The following PCDHA10 variants were observed in gnomAD, a reference collection of about 807,000 sequenced individuals.
The protein encoded by PCDHA10 is protocadherin alpha 10.
A neutral mutation model predicts 61.2 loss-of-function variants in PCDHA10; 45 were observed. That is an observed-to-expected ratio of 0.74 (90% confidence interval 0.58 to 0.94). The LOEUF (loss-of-function observed/expected upper bound fraction) is 0.94, where lower values mean the gene tolerates loss of function less well. PCDHA10 is among the 40% of genes least tolerant of loss of function. PCDHA10 has a pLI of 0.00. For missense variants in PCDHA10, 1,278 were observed against 1,236.2 expected (o/e 1.03, Z -0.51); for synonymous variants, 602 against 548.8 (o/e 1.10, Z -1.35).
In PCDHA10 at chr5:140,857,092, G is replaced by A; in HGVS notation, c.1044G>A (p.Glu348=). The change falls in exon 1 of 4, where the codon GAG becomes GAA. Residue 348 remains glutamate (E), a synonymous_variant. Coordinates refer to ENST00000307360, the MANE Select transcript of PCDHA10 (RefSeq NM_018901.4). ...TGGATGAAAATGATAATTCACCTGA[G>A]GTGATTGTCACTTCTCTGTCTCTCC... ...ELLDENDNSP[E]VIVTSLSLPV... is the part of the protein sequence containing the mutation. 5 of 1,597,300 alleles carry A rather than the reference G, an allele frequency of 3.1e-6. 1 individual carries two copies. Among genetic ancestry groups the A allele is most frequent in the Non-Finnish European group, 4.3e-6 (5 of 1,166,936 alleles).
chr5:140,931,659 G>A (rs1554208521), intron 1 of PCDHA10, among the ~76,000 whole-genome samples: 1 of 151,694 alleles, frequency 6.6e-6, no homozygotes, highest in Non-Finnish European at 1.5e-5. Flanking sequence ...GTTGTGGGCT[G>A]GATATTTCCT....
At position 140,884,762 on chromosome 5, in the gene PCDHA10, A is replaced by T. The variant is rs491169; in HGVS notation, c.2388+26326A>T. 4,163 of 1,423,128 alleles carry T rather than the reference A, an allele frequency of 2.9e-3. 95 individuals carry two copies. The African/African-American group carries it at 0.053, about 18-fold the overall frequency. 88.2% of individuals were successfully genotyped at this position (1,423,128 alleles called of 1,614,324 possible). A position where few individuals can be genotyped will look rare whatever the true frequency, so the allele number is the denominator to read the frequency against. On this transcript the variant is annotated intron_variant, in intron 1 of 3. Coordinates refer to ENST00000307360, the MANE Select transcript of PCDHA10 (RefSeq NM_018901.4). ...TCCTGCCAATTTCAAATTATTCTTT[A>T]CTTTAATTTTAATTTTGCTAGTTGT...
At chr5:140,910,837 A>G (rs1217601068) in intron 1 of PCDHA10, among the ~76,000 whole-genome samples, 1 of 152,188 alleles carries the variant, frequency 6.6e-6, no homozygotes, top group Non-Finnish European at 1.5e-5. Context: ...GCCTGATCCA[A>G]TGCCTTGGAT....
chr5:140,883,092 G>C (rs782675726), intron 1 of PCDHA10: 2 of 1,614,108 alleles, frequency 1.2e-6, no homozygotes, highest in Non-Finnish European at 1.7e-6. Flanking sequence ...GGTACAAATG[G>C]AGATATAGTT....
At chr5:140,998,196 C>T (rs960565673) in intron 3 of PCDHA10, among the ~76,000 whole-genome samples, 2 of 152,164 alleles carry the variant, frequency 1.3e-5, no homozygotes, top group African/African-American at 4.8e-5. Flanking sequence ...CAAGTATTAA[C>T]TCCTTTAATC....
intron 3 of PCDHA10, among the ~76,000 whole-genome samples, chr5:140,983,914 AGGATT>A (rs1327360241): frequency 6.6e-6 from 1 of 152,244 alleles, no homozygotes; most frequent in Non-Finnish European, 1.5e-5. Flanking sequence ...CTAATCAGCC[AGGATT>A]TGCTATTTAT....
chr5:140,884,662 G>C lies in PCDHA10; in HGVS notation c.2388+26226G>C, dbSNP rs372022274. On this transcript the variant is annotated intron_variant, in intron 1 of 3. Transcript: ENST00000307360. ...AGGAGGACTCAGAATGCTTGAAAGA[G>C]GTAAGCTTATATTTTAAAAAATTGT... is the stretch of plus-strand genomic sequence containing the variant. 11 of 1,589,820 alleles carry C rather than the reference G, an allele frequency of 6.9e-6. No homozygotes were observed. In the African/African-American group the frequency reaches 9.4e-5, roughly 14 times the overall value.
At chr5:140,881,321 T>C (rs1396829121) in intron 1 of PCDHA10, 1 of 983,920 alleles carries the variant, frequency 1.0e-6, no homozygotes, top group Non-Finnish European at 1.2e-6. Context: ...TTAAATTCTA[T>C]TTAACCAGGA....
At chr5:141,004,412 A>G (rs2098165544) in intron 3 of PCDHA10, among the ~76,000 whole-genome samples, 1 of 152,164 alleles carries the variant, frequency 6.6e-6, no homozygotes, top group South Asian at 2.1e-4. Flanking sequence ...ACCTGACTAG[A>G]TCTCTGCCTC....
chr5:140,965,229 C>A (rs1554227498), intron 1 of PCDHA10, among the ~76,000 whole-genome samples: 1 of 152,124 alleles, frequency 6.6e-6, no homozygotes, highest in Non-Finnish European at 1.5e-5. Context: ...AATGTGAGAA[C>A]CTGGGAAGAG....
At chr5:140,991,792 T>A (rs541458701) in intron 3 of PCDHA10, among the ~76,000 whole-genome samples, 4 of 152,282 alleles carry the variant, frequency 2.6e-5, no homozygotes, top group Non-Finnish European at 5.9e-5. Context: ...CATTTCCCAA[T>A]CTCAAGGCCA....
At chr5:140,967,029 G>T in intron 1 of PCDHA10, 1 of 1,609,056 alleles carries the variant, frequency 6.2e-7, no homozygotes, top group Non-Finnish European at 8.5e-7. Context: ...CCCAGTCCGC[G>T]CTACCTGGAG....
At chr5:140,869,650 C>G in intron 1 of PCDHA10, 1 of 1,613,504 alleles carries the variant, frequency 6.2e-7, no homozygotes, top group Non-Finnish European at 8.5e-7. Context: ...TTTAGATTCA[C>G]CAACAAATGG....
At chr5:140,885,328 A>G (rs2060562963) in intron 1 of PCDHA10, among the ~76,000 whole-genome samples, 1 of 152,114 alleles carries the variant, frequency 6.6e-6, no homozygotes, top group Non-Finnish European at 1.5e-5. Context: ...TTCTTTTCCA[A>G]AGTTTGAAGG....
intron 1 of PCDHA10, among the ~76,000 whole-genome samples, chr5:140,959,555 T>A (rs538493851): frequency 1.3e-5 from 2 of 152,118 alleles, no homozygotes; most frequent in African/African-American, 4.8e-5. Flanking sequence ...ATAAATAGAA[T>A]CAGTACTAGA....
At chr5:140,863,709 C>G (rs537647529) in intron 1 of PCDHA10, 1 of 285,634 alleles carries the variant, frequency 3.5e-6, no homozygotes, top group East Asian at 9.1e-5. Context: ...TTAAAGTACA[C>G]TGGGGCCGGG....
At chr5:140,970,466 A>G (rs549761303) in intron 1 of PCDHA10, among the ~76,000 whole-genome samples, 51 of 152,334 alleles carry the variant, frequency 3.3e-4, no homozygotes, top group Non-Finnish European at 4.4e-4. Context: ...TTAAGTAGGT[A>G]TAAGGCCAGC....
At chr5:140,984,031 CAT>C (rs2153832931) in intron 3 of PCDHA10, among the ~76,000 whole-genome samples, 1 of 152,260 alleles carries the variant, frequency 6.6e-6, no homozygotes, top group South Asian at 2.1e-4. Context: ...AGGGGAAAAA[CAT>C]AAAATAGTTC....
chr5:140,883,282 G>A (rs781911340), intron 1 of PCDHA10: 6 of 1,613,900 alleles, frequency 3.7e-6, no homozygotes, highest in Non-Finnish European at 5.1e-6. Context: ...CCCTTTTGGT[G>A]GAAGTACTAG....
Sources: allele counts gnomAD v4.1 joint callset (sites outside exome capture counted in the v4.1 genomes callset), GRCh38; gene constraint gnomAD v4.1.1; transcripts MANE v1.5; gene names NCBI Gene and HGNC (gene_info 2026-07-23, HGNC 2026-07-21).